The following EIF2B2 variants were observed in gnomAD, a reference collection of about 807,000 sequenced individuals.
EIF2B2 encodes the protein translation initiation factor eIF2B subunit beta.
A neutral mutation model predicts 34.7 loss-of-function variants in EIF2B2; 34 were observed. That is an observed-to-expected ratio of 0.98 (90% CI 0.75 to 1.31). The LOEUF (loss-of-function observed/expected upper bound fraction) is 1.31, where lower values mean the gene tolerates loss of function less well. Among genes scored for constraint, EIF2B2 ranks in the 50% most tolerant of loss-of-function variants. The pLI, the probability that EIF2B2 is intolerant of heterozygous loss-of-function variation, is 0.00. For synonymous variants in EIF2B2, 155 were observed against 171.6 expected (o/e 0.90, Z 0.76); for missense variants, 361 against 447.7 (o/e 0.81, Z 1.75).
intron 6 of EIF2B2, chr14:75,007,201 C>T (rs948121702): frequency 9.7e-6 from 4 of 413,254 alleles, no homozygotes; most frequent in Non-Finnish European, 1.9e-5. Context: ...ACATAACATA[C>T]AATTAACCAT....
chr14:75,008,927 G>T (rs773976168), intron 7 of EIF2B2, 104 bp from the exon 8 acceptor site: 48 of 1,471,962 alleles, frequency 3.3e-5, no homozygotes, highest in Non-Finnish European at 4.5e-5. Context: ...TCCCGTCCTT[G>T]GGGAGCTAAT....
chr14:75,011,282 T>C lies in EIF2B2; in HGVS notation c.*2094T>C, dbSNP rs754693434. On this transcript the variant is annotated 3_prime_UTR_variant, in exon 8 of 8. Coordinates refer to ENST00000266126, the MANE Select transcript of EIF2B2 (RefSeq NM_014239.4). Reference sequence around the variant, plus strand: ...GCACAGCAAGCAGAGGGACATCCTCTAATTTTGTTGACATGTTTATGCTTA... The same window carrying C: ...GCACAGCAAGCAGAGGGACATCCTCCAATTTTGTTGACATGTTTATGCTTA... 4 of 152,244 alleles carry C rather than the reference T, an allele frequency of 2.6e-5. No homozygotes were observed. The highest frequency in any genetic ancestry group is 4.4e-5 in the Non-Finnish European group (3 of 68,056). The allele number at this position is 152,244 out of a possible 1,614,324, so 9.4% of individuals were successfully genotyped here.
chr14:75,011,803 T>C lies in EIF2B2; in HGVS notation c.*2615T>C, dbSNP rs912830336. 6.6e-6 allele frequency: 1 copy of C among 152,220 alleles called. No homozygotes were observed. The highest frequency in any genetic ancestry group is 1.5e-5 in the Non-Finnish European group (1 of 68,008). 9.4% of individuals were successfully genotyped at this position (152,220 alleles called of 1,614,324 possible). ...CTAACAGCAATTCACTTGGGTACAATTGTGTGGTTTGGAGTAAGAGCAGCA... is the reference window on the plus strand; with the variant it reads ...CTAACAGCAATTCACTTGGGTACAACTGTGTGGTTTGGAGTAAGAGCAGCA... On this transcript the variant is annotated 3_prime_UTR_variant, in exon 8 of 8. Coordinates refer to ENST00000266126, the MANE Select transcript of EIF2B2 (RefSeq NM_014239.4).
At chr14:75,004,689 ATTTTTTT>A (rs376012405) in intron 3 of EIF2B2, 41 bp from the exon 4 acceptor site, 67,194 of 154,454 alleles carry the variant, frequency 0.44, 11,930 homozygotes, top group Admixed American at 0.58. Flanking sequence ...ATATATATAT[ATTTTTTT>A]TTTTTTTTTT....
At position 75,003,561 on chromosome 14, in the gene EIF2B2, C is replaced by T; in HGVS notation, c.295C>T (p.Arg99Cys). The part of the protein sequence containing the change: ...IREEYGRLHG[R>C]SDESDQQESL... ...TTGTTGCCTCTATAGACTCCATGGACGCAGCGACGAGAGTGATCAGCAGGA... is the reference window on the plus strand; with the variant it reads ...TTGTTGCCTCTATAGACTCCATGGATGCAGCGACGAGAGTGATCAGCAGGA... The change falls in exon 3 of 8, where the codon CGC becomes TGC. Residue 99 changes from arginine (R) to cysteine (C), a missense_variant. Transcript: ENST00000266126. 6.2e-7 allele frequency: 1 copy of T among 1,614,148 alleles called. No individual in the cohort carries two copies. Among genetic ancestry groups the T allele is most frequent in the South Asian group, 1.1e-5 (1 of 91,072 alleles).
Position 75,009,201 on chromosome 14 carries a change from G to T in EIF2B2, c.*13G>T, listed in dbSNP as rs770275347. 6.2e-7 allele frequency: 1 copy of T among 1,613,916 alleles called. No homozygotes were observed. Among genetic ancestry groups the T allele is most frequent in the Non-Finnish European group, 8.5e-7 (1 of 1,179,902 alleles). On this transcript the variant is annotated 3_prime_UTR_variant, in exon 8 of 8. Coordinates refer to ENST00000266126, the MANE Select transcript of EIF2B2 (RefSeq NM_014239.4). ...TCATGTTTTATGACCGACCACACGT[G>T]TCCTAAGCAGATTGCTTAGGCAGAT...
rs780910747 is a variant in EIF2B2, at chr14:75,008,993, C to A, written c.899-38C>A. On this transcript the variant is annotated intron_variant, in intron 7 of 7. Coordinates refer to ENST00000266126, the MANE Select transcript of EIF2B2 (RefSeq NM_014239.4). ...TGCTACTTAATTATGAGAGAGGGAG[C>A]CTCAGTTTTACCTTTAGCATGTGTG... The A allele has an allele frequency of 3.1e-6, 5 of 1,613,452 alleles. No individual in the cohort carries two copies. The South Asian group carries it at 5.5e-5, about 18-fold the overall frequency.
Position 75,003,668 on chromosome 14 carries a change from T to C in EIF2B2, c.402T>C (p.Ile134=). The C allele has an allele frequency of 3.1e-6, 5 of 1,614,128 alleles. No individual in the cohort carries two copies. Among genetic ancestry groups the C allele is most frequent in the Non-Finnish European group, 4.2e-6 (5 of 1,180,020 alleles). ...FHYAQLQSNI[I]EAINELLVEL... is the part of the protein sequence containing the mutation. ...ATGCCCAACTCCAGTCCAACATCATTGAGGCGATTAATGAGCTGCTAGTGG... is the reference window on the plus strand; with the variant it reads ...ATGCCCAACTCCAGTCCAACATCATCGAGGCGATTAATGAGCTGCTAGTGG... The change falls in exon 3 of 8, where the codon ATT becomes ATC. Residue 134 remains isoleucine (I), a synonymous_variant. Transcript: ENST00000266126.
chr14:75,007,885 G>A, intron 7 of EIF2B2, 97 bp downstream of exon 7: 2 of 1,169,366 alleles, frequency 1.7e-6, no homozygotes, highest in South Asian at 1.3e-5. Context: ...TTGGTCAGTA[G>A]AACTGAATGC....
In EIF2B2 at chr14:75,009,535, GA is replaced by G. The variant is rs1424092024; in HGVS notation, c.*350del. The G allele has an allele frequency of 3.1e-5, 10 of 323,994 alleles. No individual in the cohort carries two copies. The highest frequency in any genetic ancestry group is 5.4e-5 in the Non-Finnish European group (9 of 167,874). 20.1% of individuals were successfully genotyped at this position (323,994 alleles called of 1,614,324 possible). On this transcript the variant is annotated 3_prime_UTR_variant, in exon 8 of 8. Coordinates refer to ENST00000266126, the MANE Select transcript of EIF2B2 (RefSeq NM_014239.4). ...TTACTGGGATACAGATTTTTGCTCA[GA>G]AATGGCTATGACACTTTTTCTAGGC...
At position 75,004,897 on chromosome 14, in the gene EIF2B2, C is replaced by T; in HGVS notation, c.594C>T (p.Cys198=). Residue 198 remains cysteine, a synonymous_variant, in exon 4 of 8, where the codon TGC becomes TGT. Transcript: ENST00000266126. ...HVIVAECAPF[C]QGHEMAVNLS... is the part of the protein sequence containing the mutation. The stretch of plus-strand genomic sequence containing the variant: ...TTGTAGCAGAGTGTGCTCCTTTCTG[C>T]CAGGTAAGGAGACTGCTGGAGTTGC... 1.2e-6 allele frequency: 2 copies of T among 1,609,924 alleles called. No homozygotes were observed. The highest frequency in any genetic ancestry group is 1.7e-6 in the Non-Finnish European group (2 of 1,178,050).
At position 75,006,259 on chromosome 14, in the gene EIF2B2, T is replaced by C. The variant is rs1490604890; in HGVS notation, c.693+298T>C. The C allele has an allele frequency of 7.6e-6, 4 of 527,254 alleles. No homozygotes were observed. Among genetic ancestry groups the C allele is most frequent in the Non-Finnish European group, 1.4e-5 (4 of 294,008 alleles). The allele number at this position is 527,254 out of a possible 1,614,324, so 32.7% of individuals were successfully genotyped here. On this transcript the variant is annotated intron_variant, in intron 5 of 7. Transcript: ENST00000266126. This position sits in a 1 kb window ranked among gnomAD's most constrained non-coding sequence, Gnocchi z 4.1. ...TGGCTACAGGGCTCCTGCCTTATGC[T>C]CAAAGAGCTTGGCAGTTGTGGATAG...
chr14:75,004,341 AG>A, intron 3 of EIF2B2, among the ~76,000 whole-genome samples: 1 of 152,228 alleles, frequency 6.6e-6, no homozygotes, highest in East Asian at 1.9e-4. Flanking sequence ...GTTCATAGGT[AG>A]GGGTACTTCT....
chr14:75,006,317 T>TA lies in EIF2B2; in HGVS notation c.694-259dup. 5.2e-6 allele frequency: 3 copies of TA among 578,852 alleles called. No individual in the cohort carries two copies. Among genetic ancestry groups the TA allele is most frequent in the Non-Finnish European group, 9.1e-6 (3 of 328,106 alleles). 35.9% of individuals were successfully genotyped at this position (578,852 alleles called of 1,614,324 possible). On this transcript the variant is annotated intron_variant, in intron 5 of 7. Transcript: ENST00000266126. This position sits in a 1 kb window ranked among gnomAD's most constrained non-coding sequence, Gnocchi z 4.1. ...AAAAGATTCCTGGCTTCTCAGAAGG[T>TA]ATGGCATCTCAATTTCCAGAAAATA...
rs766054595 is a variant in EIF2B2, at chr14:75,007,877, G to A, written c.898+89G>A. Reference sequence around the variant, plus strand: ...GTTTTGGTCTTTTTGTTGTTTTGTTGGTCAGTAGAACTGAATGCTGTCAAG... The same window carrying A: ...GTTTTGGTCTTTTTGTTGTTTTGTTAGTCAGTAGAACTGAATGCTGTCAAG... On this transcript the variant is annotated intron_variant, in intron 7 of 7. Coordinates refer to ENST00000266126, the MANE Select transcript of EIF2B2 (RefSeq NM_014239.4). 9.1e-6 allele frequency: 12 copies of A among 1,314,800 alleles called. No homozygotes were observed. The East Asian group carries it at 2.8e-4, about 30-fold the overall frequency. 81.4% of individuals were successfully genotyped at this position (1,314,800 alleles called of 1,614,324 possible).
rs1294843343 is a variant in EIF2B2, at chr14:75,011,390, CA to C, written c.*2203del. ...ATGTTTAGGAACTAGTGGTCCAAAGCAGGGCCTCTTGTGCAGTGTCTGTGTG... is the reference window on the plus strand; with the variant it reads ...ATGTTTAGGAACTAGTGGTCCAAAGCGGGCCTCTTGTGCAGTGTCTGTGTG... On this transcript the variant is annotated 3_prime_UTR_variant, in exon 8 of 8. Transcript: ENST00000266126. The C allele has an allele frequency of 3.3e-5, 5 of 152,198 alleles. No homozygotes were observed. Among genetic ancestry groups the C allele is most frequent in the Admixed American group, 2.6e-4 (4 of 15,274 alleles). 9.4% of individuals were successfully genotyped at this position (152,198 alleles called of 1,614,324 possible). A position where few individuals can be genotyped will look rare whatever the true frequency, so the allele number is the denominator to read the frequency against.
At chr14:75,007,011 C>T (rs930305971) in intron 6 of EIF2B2, 3 of 545,590 alleles carry the variant, frequency 5.5e-6, no homozygotes, top group Non-Finnish European at 1.1e-5. Context: ...TCTGAAAATG[C>T]CAAGCAGGTT....
In EIF2B2 at chr14:75,009,109, C is replaced by T; in HGVS notation, c.977C>T (p.Ser326Phe). 2 of 1,614,124 alleles carry T rather than the reference C, an allele frequency of 1.2e-6. No individual in the cohort carries two copies. The highest frequency in any genetic ancestry group is 1.7e-6 in the Non-Finnish European group (2 of 1,180,016). ...CCAGAGCTCATTACCCTCTTTATCT[C>T]CAACATTGGTGGGAATGCACCTTCC... ...VPPELITLFI[S>F]NIGGNAPSYI... is the part of the protein sequence containing the mutation. Residue 326 changes from serine to phenylalanine, a missense_variant, in exon 8 of 8, where the codon TCC (serine) becomes TTC (phenylalanine). Ser to Phe is a radical substitution (Grantham distance 155, BLOSUM62 -2). Coordinates refer to ENST00000266126, the MANE Select transcript of EIF2B2 (RefSeq NM_014239.4).
At position 75,010,866 on chromosome 14, in the gene EIF2B2, G is replaced by A. The variant is rs544142640; in HGVS notation, c.*1678G>A. ...GAAAAAAAACACAACAAGCTGCAGA[G>A]CAATATGCATAATACGGACTCATTT... is the stretch of plus-strand genomic sequence containing the variant. On this transcript the variant is annotated 3_prime_UTR_variant, in exon 8 of 8. Coordinates refer to ENST00000266126, the MANE Select transcript of EIF2B2 (RefSeq NM_014239.4). 1.3e-5 allele frequency: 2 copies of A among 152,320 alleles called. No individual in the cohort carries two copies. The highest frequency in any genetic ancestry group is 2.4e-5 in the African/African-American group (1 of 41,584). 9.4% of individuals were successfully genotyped at this position (152,320 alleles called of 1,614,324 possible). A position where few individuals can be genotyped will look rare whatever the true frequency, so the allele number is the denominator to read the frequency against.
Sources: allele counts gnomAD v4.1 joint callset (sites outside exome capture counted in the v4.1 genomes callset), GRCh38; gene constraint gnomAD v4.1.1; non-coding constraint Gnocchi (gnomAD v3.1); transcripts MANE v1.5; gene names NCBI Gene and HGNC (gene_info 2026-07-23, HGNC 2026-07-21).